Variants in ADGRD1 observed in about 807,000 individuals in gnomAD.
The protein encoded by ADGRD1 is G-protein coupled receptor 133.
In ADGRD1, 77 loss-of-function variants were observed where a neutral mutation model predicts 113.4. That is an observed-to-expected ratio of 0.68 (90% CI 0.57 to 0.82). The LOEUF (loss-of-function observed/expected upper bound fraction) is 0.82, where lower values mean the gene tolerates loss of function less well. Ranked by LOEUF, ADGRD1 falls within the 40% of genes least tolerant of loss-of-function variation. ADGRD1 has a pLI of 0.00. For synonymous variants in ADGRD1, 474 were observed against 475.0 expected, an observed-to-expected ratio of 1.00 and a Z score of 0.03; for missense variants, 1,036 against 1,139.1, an observed-to-expected ratio of 0.91 and a Z score of 1.30.
chr12:131,114,038 AG>A, intron 18 of ADGRD1, among the ~76,000 whole-genome samples: 1 of 152,208 alleles, frequency 6.6e-6, no homozygotes, highest in Non-Finnish European at 1.5e-5. Flanking sequence ...GCCACAGAAA[AG>A]ACAGCTGGGT....
chr12:131,097,246 G>C (rs1887352779), intron 15 of ADGRD1, among the ~76,000 whole-genome samples: 1 of 152,172 alleles, frequency 6.6e-6, no homozygotes, highest in Non-Finnish European at 1.5e-5. Context: ...GAGCCCCCAG[G>C]GTTCCTGGTC....
Position 131,104,873 on chromosome 12 carries a change from G to T in ADGRD1, c.1714G>T (p.Val572Leu). 1 of 1,551,074 alleles carries T rather than the reference G, an allele frequency of 6.4e-7. No homozygotes were observed. Among genetic ancestry groups the T allele is most frequent in the East Asian group, 2.4e-5 (1 of 40,944 alleles). Residue 572 changes from valine (V) to leucine (L), a missense_variant, in exon 16 of 25, where the codon GTG (valine) becomes TTG (leucine). Transcript: ENST00000261654. Reference sequence around the variant, plus strand: ...GGTGGCGCTGTCGTCTATCAGCTATGTGGGCTGCTCCCTCTCCGTGCTCTG... The same window carrying T: ...GGTGGCGCTGTCGTCTATCAGCTATTTGGGCTGCTCCCTCTCCGTGCTCTG... ...HQVALSSISY[V>L]GCSLSVLCLV...
chr12:131,085,736 G>A (rs1195938), intron 15 of ADGRD1, among the ~76,000 whole-genome samples: 9,998 of 152,284 alleles, frequency 0.066, 377 homozygotes, highest in Non-Finnish European at 0.079. Context: ...GTTGGGAAAC[G>A]GCGATCTGTT....
Position 130,966,978 on chromosome 12 carries a change from T to A in ADGRD1, c.187+432T>A, listed in dbSNP as rs1172153721. ...GCTATTGCGTATTGAATGGGAGAAT[T>A]TCTGATTCAAAATATGATTAAAATG... On this transcript the variant is annotated intron_variant, in intron 3 of 24. Coordinates refer to ENST00000261654, the MANE Select transcript of ADGRD1 (RefSeq NM_198827.5). This position sits in a 1 kb window ranked among gnomAD's most constrained non-coding sequence, Gnocchi z 4.6. 6.6e-6 allele frequency: 3 copies of A among 452,454 alleles called. No individual in the cohort carries two copies. The allele number at this position is 452,454 out of a possible 1,614,324, so 28.0% of individuals were successfully genotyped here. A position where few individuals can be genotyped will look rare whatever the true frequency, so the allele number is the denominator to read the frequency against.
intron 12 of ADGRD1, 151 bp from the exon 13 acceptor site, chr12:131,014,048 G>T (rs577620630): frequency 2.8e-6 from 2 of 718,462 alleles, no homozygotes; most frequent in Non-Finnish European, 2.2e-6. Context: ...AAGGAGAGCA[G>T]CGGGAGCTGA....
chr12:130,971,437 G>A lies in ADGRD1; in HGVS notation c.188-21G>A. The A allele has an allele frequency of 2.5e-6, 4 of 1,609,912 alleles. No homozygotes were observed. Among genetic ancestry groups the A allele is most frequent in the Non-Finnish European group, 3.4e-6 (4 of 1,177,202 alleles). Reference sequence around the variant, plus strand: ...TCTCGGAAGGTTATTAACATATGATGTTGTCATTTTTCTTCCTTAGATATT... The same window carrying A: ...TCTCGGAAGGTTATTAACATATGATATTGTCATTTTTCTTCCTTAGATATT... On this transcript the variant is annotated intron_variant, in intron 3 of 24. Coordinates refer to ENST00000261654, the MANE Select transcript of ADGRD1 (RefSeq NM_198827.5). The surrounding 1 kb of genome is among the most constrained non-coding windows in gnomAD (Gnocchi z 4.2).
chr12:131,004,430 G>GGGCCGCCTGCGGTGCTCCCCCC, intron 11 of ADGRD1, 134 bp downstream of exon 11: 1 of 656,626 alleles, frequency 1.5e-6, no homozygotes, highest in Non-Finnish European at 2.7e-6. Flanking sequence ...GTGCTCCCCC[G>GGGCCGCCTGCGGTGCTCCCCCC]GACTGCCTGT....
At position 131,057,811 on chromosome 12, in the gene ADGRD1, A is replaced by G. The variant is rs555251210; in HGVS notation, c.1474-18990A>G. 6.6e-6 allele frequency among the ~76,000 whole-genome samples: 1 copy of G among 152,270 alleles called. No homozygotes were observed. Among genetic ancestry groups the G allele is most frequent in the South Asian group, 2.1e-4 (1 of 4,830 alleles). ...ACCGTTCAACCCACAACACAGGTGG[A>G]GCTGGGATGAGGCAGAAAATGGGTC... On this transcript the variant is annotated intron_variant, in intron 13 of 24. Coordinates refer to ENST00000261654, the MANE Select transcript of ADGRD1 (RefSeq NM_198827.5). This position sits in a 1 kb window ranked among gnomAD's most constrained non-coding sequence, Gnocchi z 4.2.
Position 130,982,848 on chromosome 12 carries a change from CA to C in ADGRD1, c.490+786del, listed in dbSNP as rs532488130. Among the ~76,000 whole-genome samples the C allele has an allele frequency of 2.3e-3, 347 of 152,132 alleles. 2 individuals are homozygous for C. Among genetic ancestry groups the C allele is most frequent in the African/African-American group, 7.9e-3 (326 of 41,514 alleles). On this transcript the variant is annotated intron_variant, in intron 5 of 24. Coordinates refer to ENST00000261654, the MANE Select transcript of ADGRD1 (RefSeq NM_198827.5). ...GAAGGGGAACAGGTGGCTGGGGACA[CA>C]GAAGGACTCAGGGTGGCATGGAGTG...
chr12:131,094,925 G>T (rs1245794972), intron 15 of ADGRD1, among the ~76,000 whole-genome samples: 2 of 152,140 alleles, frequency 1.3e-5, no homozygotes, highest in Admixed American at 6.5e-5. Context: ...AGGCGCAGGG[G>T]CATGCGTCCT....
In ADGRD1 at chr12:131,139,312, C is replaced by G; in HGVS notation, c.*49C>G. On this transcript the variant is annotated 3_prime_UTR_variant, in exon 25 of 25. Coordinates refer to ENST00000261654, the MANE Select transcript of ADGRD1 (RefSeq NM_198827.5). ...AGGCTGCGCTCAGAACACACCCCCC[C>G]AAACAGAATGAAATGCCCCACCTTT... is the stretch of plus-strand genomic sequence containing the variant. The G allele has an allele frequency of 7.7e-7, 1 of 1,298,744 alleles. No individual in the cohort carries two copies. The highest frequency in any genetic ancestry group is 1.1e-6 in the Non-Finnish European group (1 of 912,080). 80.5% of individuals were successfully genotyped at this position (1,298,744 alleles called of 1,614,324 possible).
chr12:131,082,217 A>G (rs1325594993), intron 14 of ADGRD1, among the ~76,000 whole-genome samples: 1 of 152,110 alleles, frequency 6.6e-6, no homozygotes, highest in Non-Finnish European at 1.5e-5. Flanking sequence ...TACCGTATTT[A>G]TGCATGTTAC....
At chr12:131,005,207 T>G (rs748652669) in intron 11 of ADGRD1, among the ~76,000 whole-genome samples, 4 of 152,142 alleles carry the variant, frequency 2.6e-5, no homozygotes, top group Non-Finnish European at 4.4e-5. Flanking sequence ...GCCCTGCTCC[T>G]AGGGCAGAGG....
chr12:130,954,848 C>T lies in ADGRD1; in HGVS notation c.103+188C>T, dbSNP rs1047552150. Among the ~76,000 whole-genome samples the T allele has an allele frequency of 6.6e-6, 1 of 152,284 alleles. No individual in the cohort carries two copies. On this transcript the variant is annotated intron_variant, in intron 2 of 24. Coordinates refer to ENST00000261654, the MANE Select transcript of ADGRD1 (RefSeq NM_198827.5). This position sits in a 1 kb window ranked among gnomAD's most constrained non-coding sequence, Gnocchi z 4.7. ...GCTCTGCTACCCCTCACCGGCTGAG[C>T]GGTGGATGGAGAAGTGGTTCTGGGC... is the stretch of plus-strand genomic sequence containing the variant.
chr12:130,981,875 T>C lies in ADGRD1; in HGVS notation c.311-9T>C, dbSNP rs751982112. 1 of 1,600,192 alleles carries C rather than the reference T, an allele frequency of 6.2e-7. No individual in the cohort carries two copies. The highest frequency in any genetic ancestry group is 1.7e-5 in the Admixed American group (1 of 58,806). On this transcript the variant is annotated splice_polypyrimidine_tract_variant and intron_variant, in intron 4 of 24. Transcript: ENST00000261654. ...CTCTGTGAATAACTGATCTTGTGAC[T>C]TTCCTCAGGGGTCACGTTTTCTTTT...
At chr12:131,097,701 G>A (rs936460003) in intron 15 of ADGRD1, among the ~76,000 whole-genome samples, 4 of 152,178 alleles carry the variant, frequency 2.6e-5, no homozygotes, top group African/African-American at 9.7e-5. Flanking sequence ...GACAGGCCCC[G>A]TGAGAGCCTG....
intron 11 of ADGRD1, among the ~76,000 whole-genome samples, chr12:131,004,779 C>A (rs1021292998): frequency 6.6e-6 from 1 of 152,208 alleles, no homozygotes; most frequent in Admixed American, 6.5e-5. Context: ...CCTGTGCAGG[C>A]CTCAGTCGAG....
At chr12:130,962,814 C>T (rs1341153848) in intron 2 of ADGRD1, 2 of 152,100 alleles carry the variant, frequency 1.3e-5, no homozygotes, top group East Asian at 3.9e-4. Flanking sequence ...ACATTTTGAG[C>T]TTGTGTACAT....
At chr12:131,036,239 G>T (rs1881358196) in intron 13 of ADGRD1, among the ~76,000 whole-genome samples, 1 of 151,606 alleles carries the variant, frequency 6.6e-6, no homozygotes. Context: ...ACTGCATCAG[G>T]CCTTACTCAC....
Sources: gnomAD v4.1 joint callset for allele counts (sites outside exome capture counted in the v4.1 genomes callset) on GRCh38, gnomAD v4.1.1 for gene constraint, Gnocchi (gnomAD v3.1) non-coding constraint, MANE v1.5 for transcripts, NCBI Gene and HGNC (gene_info 2026-07-23, HGNC 2026-07-21) for gene names.